NELL1: variants seen among roughly 807,000 people sequenced by gnomAD.
NELL1 encodes the protein protein kinase C-binding protein NELL1.
Under a neutral mutation model 107.4 loss-of-function variants are expected in NELL1, and 76 were observed. That is an observed-to-expected ratio of 0.71 (90% CI 0.59 to 0.86). The LOEUF is 0.86. Ranked by LOEUF, NELL1 falls within the 40% of genes least tolerant of loss-of-function variation. NELL1 has a pLI of 0.00. For missense variants in NELL1, 1,024 were observed against 1,005.5 expected (o/e 1.02, Z -0.25); for synonymous variants, 353 against 341.2 (o/e 1.03, Z -0.38).
chr11:20,744,818 T>C (rs1367629981), intron 2 of NELL1, among the ~76,000 whole-genome samples: 2 of 152,216 alleles, frequency 1.3e-5, no homozygotes, highest in African/African-American at 2.4e-5. Flanking sequence ...GGAGGGAATA[T>C]ATTTGCTGAA....
chr11:21,360,629 T>C (rs1255124287), intron 14 of NELL1, among the ~76,000 whole-genome samples: 1 of 152,204 alleles, frequency 6.6e-6, no homozygotes, highest in Non-Finnish European at 1.5e-5. Flanking sequence ...TCTACCTTAT[T>C]TCTTAGGTCT....
At chr11:21,567,802 TAAA>T (rs966221756) in intron 17 of NELL1, among the ~76,000 whole-genome samples, 3 of 151,766 alleles carry the variant, frequency 2.0e-5, no homozygotes, top group Non-Finnish European at 4.4e-5. Flanking sequence ...GTAAATGACA[TAAA>T]TAACATTTGC....
intron 2 of NELL1, among the ~76,000 whole-genome samples, chr11:20,727,642 T>C (rs970145389): frequency 2.0e-5 from 3 of 152,216 alleles, no homozygotes; most frequent in Non-Finnish European, 4.4e-5. Context: ...TGCCATTGCT[T>C]TTGGTATTTT....
At chr11:21,110,715 G>A (rs1022153024) in intron 12 of NELL1, among the ~76,000 whole-genome samples, 2 of 152,120 alleles carry the variant, frequency 1.3e-5, no homozygotes, top group African/African-American at 2.4e-5. Context: ...AGGATGGCTG[G>A]GCATCCCAGC....
intron 15 of NELL1, among the ~76,000 whole-genome samples, chr11:21,399,235 G>C (rs561304439): frequency 1.3e-5 from 2 of 151,694 alleles, no homozygotes; most frequent in African/African-American, 2.4e-5. Flanking sequence ...CTTTGTGACT[G>C]ATGAGTAGGG....
intron 15 of NELL1, among the ~76,000 whole-genome samples, chr11:21,498,717 A>C (rs1354685999): frequency 6.6e-6 from 1 of 152,038 alleles, no homozygotes; most frequent in East Asian, 1.9e-4. Flanking sequence ...ATTCAATTTT[A>C]TTAGATATCA....
At chr11:21,165,742 T>C (rs1207452695) in intron 13 of NELL1, among the ~76,000 whole-genome samples, 1 of 139,376 alleles carries the variant, frequency 7.2e-6, no homozygotes. Context: ...TCTTTAGCCA[T>C]AAAAAACAAT....
At chr11:21,177,070 A>G (rs1254096608) in intron 13 of NELL1, among the ~76,000 whole-genome samples, 1 of 151,872 alleles carries the variant, frequency 6.6e-6, no homozygotes, top group Admixed American at 6.6e-5. Context: ...TAACATATCT[A>G]TCATCTCGCA....
At chr11:20,706,564 A>T (rs1482849147) in intron 2 of NELL1, among the ~76,000 whole-genome samples, 3 of 151,758 alleles carry the variant, frequency 2.0e-5, no homozygotes, top group Non-Finnish European at 4.4e-5. Context: ...AGATATACCT[A>T]ATGCTAAATG....
At chr11:21,267,629 A>T (rs1848661050) in intron 14 of NELL1, among the ~76,000 whole-genome samples, 1 of 151,736 alleles carries the variant, frequency 6.6e-6, no homozygotes, top group African/African-American at 2.4e-5. Context: ...AGTGTGTCTC[A>T]TATGAATGTC....
chr11:21,432,953 G>T (rs573405252), intron 15 of NELL1, among the ~76,000 whole-genome samples: 51 of 152,186 alleles, frequency 3.4e-4, no homozygotes, highest in Middle Eastern at 6.8e-3. Context: ...CACACTAGAA[G>T]TTATTTCTCC....
intron 15 of NELL1, among the ~76,000 whole-genome samples, chr11:21,494,572 A>G (rs1379920904): frequency 6.6e-6 from 1 of 151,950 alleles, no homozygotes; most frequent in East Asian, 1.9e-4. Context: ...GTATTATACT[A>G]TATATTTTGG....
rs193109745 is a variant in NELL1 at position 21,117,191 on chromosome 11, G to A, written c.1426+3477G>A. Among the ~76,000 whole-genome samples the A allele has an allele frequency of 3.3e-5, 5 of 152,040 alleles. No homozygotes were observed. The East Asian group carries it at 9.7e-4, about 30-fold the overall frequency. On this transcript the variant is annotated intron_variant, in intron 13 of 19. Transcript: ENST00000357134. ...TACCTCTTAGCCTAAGCCTCAGAGA[G>A]GCTTTCCATGATCAATATAAATAGC...
intron 12 of NELL1, among the ~76,000 whole-genome samples, chr11:21,042,560 A>C (rs1194652677): frequency 6.6e-6 from 1 of 152,172 alleles, no homozygotes; most frequent in African/African-American, 2.4e-5. Context: ...CACCCAGCCA[A>C]AAGCTGGGGC....
intron 15 of NELL1, among the ~76,000 whole-genome samples, chr11:21,491,260 G>A (rs1854800007): frequency 6.6e-6 from 1 of 152,142 alleles, no homozygotes; most frequent in Non-Finnish European, 1.5e-5. Flanking sequence ...TTTTAGACAT[G>A]AAGTCCTTGC....
At chr11:21,521,499 T>C (rs1175782530) in intron 15 of NELL1, among the ~76,000 whole-genome samples, 2 of 149,708 alleles carry the variant, frequency 1.3e-5, no homozygotes, top group African/African-American at 2.4e-5. Flanking sequence ...AATGCCAATA[T>C]TGTTCATGTC....
chr11:20,714,772 G>A (rs1179251053), intron 2 of NELL1, among the ~76,000 whole-genome samples: 1 of 152,054 alleles, frequency 6.6e-6, no homozygotes, highest in Admixed American at 6.5e-5. Context: ...TAAATACCTA[G>A]CAATTTCCTA....
chr11:20,872,587 C>T (rs1375550626), intron 4 of NELL1, among the ~76,000 whole-genome samples: 2 of 151,792 alleles, frequency 1.3e-5, no homozygotes, highest in South Asian at 2.1e-4. Context: ...GCCAAGAGAC[C>T]TTTGGTGGTT....
intron 15 of NELL1, among the ~76,000 whole-genome samples, chr11:21,512,401 G>C (rs1367019888): frequency 3.3e-5 from 5 of 152,074 alleles, no homozygotes; most frequent in Non-Finnish European, 2.9e-5. Flanking sequence ...GTCATCCAAG[G>C]ATTTTATTGC....
Sources: allele counts gnomAD v4.1 joint callset (sites outside exome capture counted in the v4.1 genomes callset), GRCh38; gene constraint gnomAD v4.1.1; transcripts MANE v1.5; gene names NCBI Gene and HGNC (gene_info 2026-07-23, HGNC 2026-07-21).